The following RBL2 variants were observed in gnomAD, a reference collection of about 807,000 sequenced individuals.
The protein encoded by RBL2 is RB transcriptional corepressor like 2, also known as retinoblastoma-like protein 2.
In RBL2, 56 loss-of-function variants were observed where a neutral mutation model predicts 126.0. That is an observed-to-expected ratio of 0.44 (90% CI 0.36 to 0.56). The LOEUF (loss-of-function observed/expected upper bound fraction) is 0.56. Among genes scored for constraint, RBL2 ranks in the 20% least tolerant of loss-of-function variants. The pLI is 0.00. For synonymous variants in RBL2, 454 were observed against 478.5 expected, an observed-to-expected ratio of 0.95 and a Z score of 0.67; for missense variants, 1,229 against 1,398.2, an observed-to-expected ratio of 0.88 and a Z score of 1.93.
At chr16:53,469,355 C>T (rs1468944746) in intron 14 of RBL2, among the ~76,000 whole-genome samples, 1 of 152,156 alleles carries the variant, frequency 6.6e-6, no homozygotes, top group Non-Finnish European at 1.5e-5. Flanking sequence ...CCAAATCATG[C>T]ATGTCCACCT....
chr16:53,486,178 A>G (rs1281587734), intron 21 of RBL2, among the ~76,000 whole-genome samples: 3 of 149,398 alleles, frequency 2.0e-5, no homozygotes, highest in African/African-American at 7.4e-5. Flanking sequence ...AGGTGTGCCT[A>G]TAGTCCCAGT....
intron 2 of RBL2, among the ~76,000 whole-genome samples, chr16:53,440,349 T>C (rs2058003146): frequency 6.6e-6 from 1 of 152,190 alleles, no homozygotes; most frequent in South Asian, 2.1e-4. Context: ...TTGTGAATTT[T>C]AGTAATCTTT....
chr16:53,474,825 A>C (rs995025118), intron 17 of RBL2, among the ~76,000 whole-genome samples: 7 of 152,152 alleles, frequency 4.6e-5, no homozygotes, highest in African/African-American at 1.7e-4. Flanking sequence ...ATGGTCTCAT[A>C]GAATTGAGTA....
At chr16:53,450,468 G>T (rs1251864563) in intron 4 of RBL2, among the ~76,000 whole-genome samples, 1 of 152,114 alleles carries the variant, frequency 6.6e-6, no homozygotes, top group Non-Finnish European at 1.5e-5. Flanking sequence ...ATACAAGAAT[G>T]TAAAATCACC....
chr16:53,490,361 T>G lies in RBL2; in HGVS notation c.*61T>G. The G allele has an allele frequency of 7.2e-7, 1 of 1,389,366 alleles. No individual in the cohort carries two copies. Among genetic ancestry groups the G allele is most frequent in the Non-Finnish European group, 9.7e-7 (1 of 1,031,702 alleles). The allele number at this position is 1,389,366 out of a possible 1,614,324, so 86.1% of individuals were successfully genotyped here. A position where few individuals can be genotyped will look rare whatever the true frequency, so the allele number is the denominator to read the frequency against. ...GTTTAGCAGCAGCCTTTAATGCATCTAGATTATGGAGCTTTTTTCCTTAAT... is the reference window on the plus strand; with the variant it reads ...GTTTAGCAGCAGCCTTTAATGCATCGAGATTATGGAGCTTTTTTCCTTAAT... On this transcript the variant is annotated 3_prime_UTR_variant, in exon 22 of 22. Transcript: ENST00000262133.
At chr16:53,473,870 C>G (rs1379320597) in intron 17 of RBL2, among the ~76,000 whole-genome samples, 1 of 151,846 alleles carries the variant, frequency 6.6e-6, no homozygotes, top group African/African-American at 2.4e-5. Flanking sequence ...TAGATTTTGT[C>G]AAATGCTTGT....
At chr16:53,487,232 G>A (rs921263565) in intron 21 of RBL2, among the ~76,000 whole-genome samples, 2 of 152,130 alleles carry the variant, frequency 1.3e-5, no homozygotes, top group African/African-American at 2.4e-5. Flanking sequence ...CAAAGAACTC[G>A]AATAGCTAAA....
rs192168414 is a variant in RBL2, at chr16:53,469,803, G to C, written c.1976-113G>C. On this transcript the variant is annotated intron_variant, in intron 14 of 21. Coordinates refer to ENST00000262133, the MANE Select transcript of RBL2 (RefSeq NM_005611.4). ...CTTCTGTAATTCTTGTTTGCTTTTTGAATTATGAAGTATTTCAAACACTGT... is the reference window on the plus strand; with the variant it reads ...CTTCTGTAATTCTTGTTTGCTTTTTCAATTATGAAGTATTTCAAACACTGT... 3,920 of 1,241,176 alleles carry C rather than the reference G, an allele frequency of 3.2e-3. 12 individuals are homozygous for C. The highest frequency in any genetic ancestry group is 3.9e-3 in the Non-Finnish European group (3,563 of 914,350). 76.9% of individuals were successfully genotyped at this position (1,241,176 alleles called of 1,614,324 possible).
rs2058070692 is a variant in RBL2, at chr16:53,447,210, A to T, written c.637+104A>T. 10 of 560,100 alleles carry T rather than the reference A, an allele frequency of 1.8e-5. No individual in the cohort carries two copies. In the South Asian group the frequency reaches 3.1e-4, roughly 18 times the overall value. The allele number at this position is 560,100 out of a possible 1,614,324, so 34.7% of individuals were successfully genotyped here. A position where few individuals can be genotyped will look rare whatever the true frequency, so the allele number is the denominator to read the frequency against. ...TGTATCAGGAAAAGATTTTCACTGA[A>T]AATTTTCTCAAGGGTTTTAATCCTA... On this transcript the variant is annotated intron_variant, in intron 4 of 21. Coordinates refer to ENST00000262133, the MANE Select transcript of RBL2 (RefSeq NM_005611.4).
At chr16:53,463,561 CTT>C (rs770657237) in intron 11 of RBL2, among the ~76,000 whole-genome samples, 94 of 94,380 alleles carry the variant, frequency 1.0e-3, no homozygotes, top group African/African-American at 3.2e-3. Context: ...TTTTTTTTTC[CTT>C]TTTTTTTTTT....
At position 53,451,812 on chromosome 16, in the gene RBL2, T is replaced by C. The variant is rs368582246; in HGVS notation, c.747T>C (p.Leu249=). The change falls in exon 5 of 22, where the codon CTT becomes CTC. Residue 249 remains leucine (L), a synonymous_variant. Transcript: ENST00000262133. The stretch of plus-strand genomic sequence containing the variant: ...TTCAGTGTTCTAATCGTAAAGAACT[T>C]GTGAACCCTAATTTTAAAGGTAGGT... ...NALQCSNRKE[L]VNPNFKGLSE... 2.5e-6 allele frequency: 4 copies of C among 1,613,798 alleles called. No individual in the cohort carries two copies. The highest frequency in any genetic ancestry group is 2.5e-6 in the Non-Finnish European group (3 of 1,179,814).
intron 1 of RBL2, chr16:53,435,884 T>C (rs1031058516): frequency 1.2e-5 from 10 of 861,972 alleles, no homozygotes; most frequent in Non-Finnish European, 1.6e-5. Context: ...TAGTGTATGG[T>C]GGCTTTAGAA....
Position 53,490,653 on chromosome 16 carries a change from G to A in RBL2, c.*353G>A, listed in dbSNP as rs1961384884. The stretch of plus-strand genomic sequence containing the variant: ...GTTGACGTACTCCAACAGAAGAACT[G>A]TGTTTCAAGTTCAATCCTACCTGTT... On this transcript the variant is annotated 3_prime_UTR_variant, in exon 22 of 22. Transcript: ENST00000262133. 5.6e-6 allele frequency: 1 copy of A among 177,124 alleles called. No individual in the cohort carries two copies. The highest frequency in any genetic ancestry group is 1.2e-5 in the Non-Finnish European group (1 of 84,836). 11.0% of individuals were successfully genotyped at this position (177,124 alleles called of 1,614,324 possible). A position where few individuals can be genotyped will look rare whatever the true frequency, so the allele number is the denominator to read the frequency against.
At chr16:53,443,552 A>G (rs180856606) in intron 3 of RBL2, among the ~76,000 whole-genome samples, 35 of 152,340 alleles carry the variant, frequency 2.3e-4, no homozygotes, top group Admixed American at 1.7e-3. Context: ...TGCAAAGTCT[A>G]TAAGCATGCT....
chr16:53,434,898 C>T (rs1739958045), intron 1 of RBL2, 102 bp downstream of exon 1: 1 of 1,385,102 alleles, frequency 7.2e-7, no homozygotes, highest in Admixed American at 3.1e-5. Flanking sequence ...GGGTTGCGGG[C>T]TCCCAGCCCC....
chr16:53,457,099 T>G (rs2058174725), intron 8 of RBL2, among the ~76,000 whole-genome samples: 1 of 151,134 alleles, frequency 6.6e-6, no homozygotes, highest in Non-Finnish European at 1.5e-5. Context: ...GAATCAAGAG[T>G]TAGGGTTATT....
At chr16:53,456,383 A>AGT (rs2058167875) in intron 8 of RBL2, among the ~76,000 whole-genome samples, 1 of 152,122 alleles carries the variant, frequency 6.6e-6, no homozygotes, top group Non-Finnish European at 1.5e-5. Flanking sequence ...CAAGGGTGGA[A>AGT]GTAGGGAGTT....
chr16:53,479,352 G>T, intron 18 of RBL2, 127 bp downstream of exon 18: 1 of 729,106 alleles, frequency 1.4e-6, no homozygotes. Context: ...CTTAAGGGAA[G>T]TTTCTACTTT....
intron 20 of RBL2, 103 bp from the exon 21 acceptor site, chr16:53,481,568 A>T: frequency 1.8e-6 from 2 of 1,084,718 alleles, no homozygotes; most frequent in South Asian, 3.5e-5. Context: ...TCTGTCATTC[A>T]TAAAACTACT....
Sources: gnomAD v4.1 joint callset for allele counts (sites outside exome capture counted in the v4.1 genomes callset) on GRCh38, gnomAD v4.1.1 for gene constraint, MANE v1.5 for transcripts, NCBI Gene and HGNC (gene_info 2026-07-23, HGNC 2026-07-21) for gene names.